The following ANKS1A variants were observed in gnomAD, a reference collection of about 807,000 sequenced individuals.
ANKS1A encodes ankyrin repeat and sterile alpha motif domain containing 1A.
In ANKS1A, 55 loss-of-function variants were observed where a neutral mutation model predicts 120.3. The ratio of observed to expected loss-of-function variants is 0.46; its 90% CI spans 0.37 to 0.57. The LOEUF is 0.57. Ranked by LOEUF, ANKS1A falls within the 20% of genes least tolerant of loss-of-function variation. The probability of loss-of-function intolerance (pLI) is 0.00; values close to 1 mark genes in which losing one functional copy is unlikely to be tolerated. For synonymous variants in ANKS1A, 590 were observed against 604.7 expected, an observed-to-expected ratio of 0.98 and a Z score of 0.36; for missense variants, 1,123 against 1,480.3, an observed-to-expected ratio of 0.76 and a Z score of 3.96.
At chr6:34,996,249 G>A (rs1362445334) in intron 10 of ANKS1A, among the ~76,000 whole-genome samples, 16 of 152,170 alleles carry the variant, frequency 1.1e-4, no homozygotes, top group Admixed American at 1.0e-3. Context: ...CTAATTAAAT[G>A]TCTATTCAAA....
chr6:34,973,237 A>G (rs184179134), intron 3 of ANKS1A, among the ~76,000 whole-genome samples: 1 of 152,262 alleles, frequency 6.6e-6, no homozygotes, highest in Admixed American at 6.5e-5. Flanking sequence ...CCACGACCCA[A>G]TATCTCCAGC....
At chr6:34,941,246 A>G (rs1769518969) in intron 1 of ANKS1A, among the ~76,000 whole-genome samples, 2 of 152,188 alleles carry the variant, frequency 1.3e-5, no homozygotes, top group Admixed American at 1.3e-4. Flanking sequence ...TTGGCCTCCC[A>G]AAGTGTTGGG....
At chr6:35,083,043 GT>G in intron 18 of ANKS1A, 111 bp from the exon 19 acceptor site, 1 of 1,389,388 alleles carries the variant, frequency 7.2e-7, no homozygotes, top group South Asian at 1.3e-5. Flanking sequence ...GAGAGGGGGT[GT>G]TGTTATTGAG....
chr6:35,089,295 G>T lies in ANKS1A; in HGVS notation c.*686G>T, dbSNP rs1778170733. The T allele has an allele frequency of 5.1e-6, 5 of 987,764 alleles. No homozygotes were observed. The highest frequency in any genetic ancestry group is 6.0e-6 in the Non-Finnish European group (5 of 831,344). The allele number at this position is 987,764 out of a possible 1,614,324, so 61.2% of individuals were successfully genotyped here. A position where few individuals can be genotyped will look rare whatever the true frequency, so the allele number is the denominator to read the frequency against. On this transcript the variant is annotated 3_prime_UTR_variant, in exon 24 of 24. Transcript: ENST00000360359. ...CATTTCTGGGGTTCCCGATGGGAAG[G>T]TTCAGTGGCCAAATGAAGATAAGTG...
At chr6:34,914,209 CCT>C (rs1175943355) in intron 1 of ANKS1A, among the ~76,000 whole-genome samples, 7 of 152,338 alleles carry the variant, frequency 4.6e-5, no homozygotes, top group African/African-American at 1.7e-4. Flanking sequence ...GTGTGAGCCA[CCT>C]TACCCAGCCA....
intron 13 of ANKS1A, among the ~76,000 whole-genome samples, chr6:35,073,778 C>T (rs754245984): frequency 1.2e-4 from 18 of 152,168 alleles, no homozygotes; most frequent in African/African-American, 4.1e-4. Context: ...CCCCCATGAC[C>T]CTCCTTGTGA....
At chr6:35,033,373 C>T (rs1436353197) in intron 11 of ANKS1A, among the ~76,000 whole-genome samples, 1 of 152,118 alleles carries the variant, frequency 6.6e-6, no homozygotes, top group Non-Finnish European at 1.5e-5. Context: ...TTTACAGGCA[C>T]TTAATAGAGC....
chr6:35,008,961 TAGAG>T (rs567557122), intron 10 of ANKS1A, among the ~76,000 whole-genome samples: 107 of 151,896 alleles, frequency 7.0e-4, no homozygotes, highest in Admixed American at 1.2e-3. Context: ...TGGGAGGAGA[TAGAG>T]AGAACATGTC....
At chr6:35,051,113 G>A (rs1449388593) in intron 11 of ANKS1A, among the ~76,000 whole-genome samples, 1 of 152,048 alleles carries the variant, frequency 6.6e-6, no homozygotes, top group Non-Finnish European at 1.5e-5. Flanking sequence ...AGGATCCCCT[G>A]AGCCCAGGAG....
Position 35,088,594 on chromosome 6 carries a change from G to A in ANKS1A, c.3402-12G>A, listed in dbSNP as rs962922713. On this transcript the variant is annotated splice_polypyrimidine_tract_variant and intron_variant, in intron 23 of 23. Coordinates refer to ENST00000360359, the MANE Select transcript of ANKS1A (RefSeq NM_015245.3). ...TAACCCTTTCCTCCCCCCATTGTTTGCTTCTGCCAAGCTGAGCCACTGAGG... is the reference window on the plus strand; with the variant it reads ...TAACCCTTTCCTCCCCCCATTGTTTACTTCTGCCAAGCTGAGCCACTGAGG... 2 of 1,614,132 alleles carry A rather than the reference G, an allele frequency of 1.2e-6. No homozygotes were observed. The highest frequency in any genetic ancestry group is 2.7e-5 in the African/African-American group (2 of 75,026).
intron 1 of ANKS1A, among the ~76,000 whole-genome samples, chr6:34,909,481 T>C (rs949852024): frequency 5.3e-5 from 8 of 152,206 alleles, no homozygotes; most frequent in Admixed American, 2.6e-4. Flanking sequence ...CATTTCTAAG[T>C]GCGTTTAAAT....
chr6:35,004,548 A>G (rs574167618), intron 10 of ANKS1A, among the ~76,000 whole-genome samples: 1 of 152,250 alleles, frequency 6.6e-6, no homozygotes, highest in South Asian at 2.1e-4. Flanking sequence ...TTCAAGCAAT[A>G]CAGAAATGAA....
At chr6:34,892,386 C>T (rs1473283356) in intron 1 of ANKS1A, among the ~76,000 whole-genome samples, 1 of 152,112 alleles carries the variant, frequency 6.6e-6, no homozygotes, top group Non-Finnish European at 1.5e-5. Flanking sequence ...CCCTAAAGAC[C>T]CTGGATTATT....
At chr6:34,971,700 A>C (rs1168122009) in intron 3 of ANKS1A, among the ~76,000 whole-genome samples, 2 of 152,196 alleles carry the variant, frequency 1.3e-5, no homozygotes, top group Admixed American at 6.5e-5. Context: ...CAGGAGACTC[A>C]TGCAGCTCTC....
In ANKS1A at chr6:34,998,512, G is replaced by T. The variant is rs1026204624; in HGVS notation, c.1423+4090G>T. On this transcript the variant is annotated intron_variant, in intron 10 of 23. Coordinates refer to ENST00000360359, the MANE Select transcript of ANKS1A (RefSeq NM_015245.3). Reference sequence around the variant, plus strand: ...CCTGGGCCTGCCTGACCTAAGCCTGGTAGTTAAAATTCTACCCCTGACCTA... The same window carrying T: ...CCTGGGCCTGCCTGACCTAAGCCTGTTAGTTAAAATTCTACCCCTGACCTA... Among the ~76,000 whole-genome samples, 4 of 152,130 alleles carry T rather than the reference G, an allele frequency of 2.6e-5. No homozygotes were observed. In the East Asian group the frequency reaches 7.7e-4, roughly 29 times the overall value.
chr6:34,998,634 G>A (rs111314618), intron 10 of ANKS1A, among the ~76,000 whole-genome samples: 3,549 of 152,198 alleles, frequency 0.023, 50 homozygotes, highest in South Asian at 0.036. Context: ...CCCCTGTCAC[G>A]TACCCCCTGC....
At chr6:35,088,517 C>A in intron 23 of ANKS1A, 89 bp from the exon 24 acceptor site, 1 of 1,550,574 alleles carries the variant, frequency 6.4e-7, no homozygotes, top group South Asian at 1.1e-5. Context: ...GATCGTCTGT[C>A]CTGCTCTGTG....
At chr6:34,947,454 A>G (rs1769861844) in intron 1 of ANKS1A, among the ~76,000 whole-genome samples, 1 of 152,122 alleles carries the variant, frequency 6.6e-6, no homozygotes. Context: ...GCCTATACAT[A>G]GTAGACTCTC....
Position 35,072,767 on chromosome 6 carries a change from T to A in ANKS1A, c.2185-5791T>A, listed in dbSNP as rs151247073. On this transcript the variant is annotated intron_variant, in intron 13 of 23. Coordinates refer to ENST00000360359, the MANE Select transcript of ANKS1A (RefSeq NM_015245.3). ...TGGGAGGAGCATTTATGCGCGATGC[T>A]GAGAGATGGGATTCTACGGAGGGAG... 1.8e-4 allele frequency among the ~76,000 whole-genome samples: 28 copies of A among 152,290 alleles called. 2 individuals are homozygous for A. The East Asian group carries it at 5.4e-3, about 29-fold the overall frequency.
Sources: allele counts gnomAD v4.1 joint callset (sites outside exome capture counted in the v4.1 genomes callset), GRCh38; gene constraint gnomAD v4.1.1; transcripts MANE v1.5; gene names NCBI Gene and HGNC (gene_info 2026-07-23, HGNC 2026-07-21).